CTNNBL1: variants seen among roughly 807,000 people sequenced by gnomAD.
The protein encoded by CTNNBL1 is beta-catenin-like protein 1.
In CTNNBL1, 31 loss-of-function variants were observed where a neutral mutation model predicts 72.7. That is an observed-to-expected ratio of 0.43 (90% confidence interval 0.32 to 0.58). The LOEUF (loss-of-function observed/expected upper bound fraction) is 0.58, where lower values mean the gene tolerates loss of function less well. CTNNBL1 is among the 20% of genes least tolerant of loss of function. CTNNBL1 has a pLI of 0.08. For synonymous variants in CTNNBL1, 240 were observed against 267.3 expected (o/e 0.90, Z 1.00); for missense variants, 534 against 725.1 (o/e 0.74, Z 3.03).
intron 5 of CTNNBL1, among the ~76,000 whole-genome samples, chr20:37,761,038 T>C (rs965099505): frequency 1.3e-5 from 2 of 151,454 alleles, no homozygotes; most frequent in African/African-American, 4.9e-5. Context: ...AGGCAGAACA[T>C]TGAAAACAGC....
intron 4 of CTNNBL1, chr20:37,756,180 C>T (rs1338603388): frequency 6.6e-6 from 1 of 152,154 alleles, no homozygotes; most frequent in African/African-American, 2.4e-5. Context: ...TTTCAGGACG[C>T]CTGCAGTTCA....
intron 11 of CTNNBL1, among the ~76,000 whole-genome samples, chr20:37,818,748 G>C (rs1428346701): frequency 1.3e-5 from 2 of 152,132 alleles, no homozygotes; most frequent in Non-Finnish European, 2.9e-5. Context: ...AGCAGCACCA[G>C]AGAAAATGAA....
At chr20:37,863,330 G>A (rs1279382723) in intron 15 of CTNNBL1, among the ~76,000 whole-genome samples, 2 of 152,192 alleles carry the variant, frequency 1.3e-5, no homozygotes, top group Non-Finnish European at 2.9e-5. Flanking sequence ...TCTGTGTCCA[G>A]TCCTAGAGAT....
At chr20:37,830,771 C>T (rs759149968) in intron 11 of CTNNBL1, among the ~76,000 whole-genome samples, 2 of 152,192 alleles carry the variant, frequency 1.3e-5, no homozygotes, top group Non-Finnish European at 2.9e-5. Flanking sequence ...AGAACCCTTA[C>T]ATTAGCCTAC....
chr20:37,804,172 A>G (rs1188760474), intron 11 of CTNNBL1, among the ~76,000 whole-genome samples: 2 of 152,214 alleles, frequency 1.3e-5, no homozygotes, highest in Non-Finnish European at 2.9e-5. Flanking sequence ...ACTTCAGTTT[A>G]ACTCATTTTG....
At position 37,710,571 on chromosome 20, in the gene CTNNBL1, C is replaced by G. The variant is rs146958915; in HGVS notation, c.30+16419C>G. 1.6e-3 allele frequency among the ~76,000 whole-genome samples: 249 copies of G among 152,270 alleles called. 2 individuals are homozygous for G. Among genetic ancestry groups the G allele is most frequent in the African/African-American group, 5.0e-3 (207 of 41,536 alleles). On this transcript the variant is annotated intron_variant, in intron 1 of 15. Coordinates refer to ENST00000361383, the MANE Select transcript of CTNNBL1 (RefSeq NM_030877.5). ...TTCCTCTAGCATCTCTTTGCCCCCC[C>G]CACTGCCATCCTGGGAACTAGAGAA...
At chr20:37,758,772 G>A (rs1379941864) in intron 5 of CTNNBL1, among the ~76,000 whole-genome samples, 1 of 152,172 alleles carries the variant, frequency 6.6e-6, no homozygotes, top group Non-Finnish European at 1.5e-5. Flanking sequence ...GACTCAGTTA[G>A]CAGTTGATCA....
chr20:37,820,897 G>A (rs1051946683), intron 11 of CTNNBL1, among the ~76,000 whole-genome samples: 11 of 152,154 alleles, frequency 7.2e-5, no homozygotes, highest in African/African-American at 2.7e-4. Context: ...ATAAGATCAC[G>A]TGATTTTGCT....
intron 12 of CTNNBL1, among the ~76,000 whole-genome samples, chr20:37,840,992 T>TCC: frequency 6.6e-6 from 1 of 152,326 alleles, no homozygotes; most frequent in South Asian, 2.1e-4. Flanking sequence ...ATTAGATGGA[T>TCC]ATTTTATATC....
chr20:37,747,395 A>G (rs2073276345), intron 4 of CTNNBL1, among the ~76,000 whole-genome samples: 1 of 151,502 alleles, frequency 6.6e-6, no homozygotes, highest in East Asian at 1.9e-4. Flanking sequence ...AAAAAAAAAA[A>G]AAAAAAAAAG....
At chr20:37,798,865 A>G (rs886948823) in intron 10 of CTNNBL1, among the ~76,000 whole-genome samples, 3 of 152,310 alleles carry the variant, frequency 2.0e-5, no homozygotes, top group East Asian at 1.9e-4. Flanking sequence ...CTGAGTGACT[A>G]AACAATACAG....
intron 1 of CTNNBL1, among the ~76,000 whole-genome samples, chr20:37,722,600 C>T (rs935666466): frequency 9.9e-5 from 15 of 152,052 alleles, no homozygotes; most frequent in African/African-American, 3.4e-4. Flanking sequence ...TTTCAAAGTC[C>T]TGTATTTTTA....
intron 1 of CTNNBL1, 40 bp downstream of exon 1, chr20:37,694,192 C>T (rs1310058212): frequency 6.4e-7 from 1 of 1,559,186 alleles, no homozygotes; most frequent in South Asian, 1.2e-5. Flanking sequence ...GCGTTCTCAC[C>T]TGGGCAGGGG....
In CTNNBL1 at chr20:37,765,183, C is replaced by T. The variant is rs765035294; in HGVS notation, c.565-14C>T. ...ATGACATCCCTCTCTCCTTTTGCTT[C>T]GCTATTCTTGCAGGTGGATGGGCAG... is the stretch of plus-strand genomic sequence containing the variant. On this transcript the variant is annotated splice_polypyrimidine_tract_variant and intron_variant, in intron 5 of 15. Transcript: ENST00000361383. 82 of 1,540,286 alleles carry T rather than the reference C, an allele frequency of 5.3e-5. No homozygotes were observed. The highest frequency in any genetic ancestry group is 2.4e-4 in the East Asian group (10 of 40,892).
chr20:37,833,166 C>G (rs2235478), intron 11 of CTNNBL1, among the ~76,000 whole-genome samples: 124,469 of 152,152 alleles, frequency 0.82, 50,955 homozygotes, highest in Middle Eastern at 0.89. Context: ...TGTTTCCATA[C>G]TCAGAACCCC....
chr20:37,732,788 C>T, intron 1 of CTNNBL1, 91 bp from the exon 2 acceptor site: 1 of 1,230,990 alleles, frequency 8.1e-7, no homozygotes. Context: ...CTGCCTTGGC[C>T]TCCCAAAGTG....
chr20:37,813,256 C>A (rs762816297), intron 11 of CTNNBL1, among the ~76,000 whole-genome samples: 12 of 152,296 alleles, frequency 7.9e-5, no homozygotes, highest in Non-Finnish European at 1.6e-4. Flanking sequence ...AAGCAGAAGC[C>A]AGACCTGGAA....
chr20:37,731,525 G>A (rs1272773583), intron 1 of CTNNBL1, among the ~76,000 whole-genome samples: 3 of 152,108 alleles, frequency 2.0e-5, no homozygotes, highest in Admixed American at 1.3e-4. Flanking sequence ...GTGAGCCACC[G>A]CACCCGGCCT....
chr20:37,702,660 G>A (rs1328349149), intron 1 of CTNNBL1, among the ~76,000 whole-genome samples: 1 of 152,140 alleles, frequency 6.6e-6, no homozygotes, highest in African/African-American at 2.4e-5. Flanking sequence ...CATCTCATGA[G>A]TGATTTTTTT....
Sources: allele counts gnomAD v4.1 joint callset (sites outside exome capture counted in the v4.1 genomes callset), GRCh38; gene constraint gnomAD v4.1.1; transcripts MANE v1.5; gene names NCBI Gene and HGNC (gene_info 2026-07-23, HGNC 2026-07-21).